Variants in TRERF1 observed in about 807,000 individuals in gnomAD.
The protein encoded by TRERF1 is transcriptional-regulating factor 1.
In TRERF1, 27 loss-of-function variants were observed where a neutral mutation model predicts 122.9. The ratio of observed to expected loss-of-function variants is 0.22; its 90% confidence interval spans 0.16 to 0.30. The LOEUF is 0.30. Ranked by LOEUF, TRERF1 falls within the 10% of genes least tolerant of loss-of-function variation. The pLI, the probability that TRERF1 is intolerant of heterozygous loss-of-function variation, is 1.00. For missense variants in TRERF1, 1,248 were observed against 1,560.3 expected (o/e 0.80, Z 3.37); for synonymous variants, 636 against 641.7 (o/e 0.99, Z 0.13).
intron 3 of TRERF1, among the ~76,000 whole-genome samples, chr6:42,338,422 A>G (rs1325318232): frequency 6.6e-6 from 1 of 152,220 alleles, no homozygotes; most frequent in African/African-American, 2.4e-5. Flanking sequence ...GCACAGAGGT[A>G]TGAAATTCAA....
At chr6:42,373,857 G>A (rs1230368122) in intron 2 of TRERF1, among the ~76,000 whole-genome samples, 5 of 150,946 alleles carry the variant, frequency 3.3e-5, no homozygotes, top group Non-Finnish European at 5.9e-5. Flanking sequence ...AAAAAAGGCC[G>A]GGCGTGGTGG....
intron 2 of TRERF1, among the ~76,000 whole-genome samples, chr6:42,440,499 G>A (rs1459247899): frequency 6.6e-6 from 1 of 152,068 alleles, no homozygotes; most frequent in Non-Finnish European, 1.5e-5. Context: ...ACAAGGCCAG[G>A]CACATAGTAA....
chr6:42,425,529 ATTTTTTTTTTTTTTTTTTT>A (rs150820164), intron 2 of TRERF1, among the ~76,000 whole-genome samples: 1 of 44,050 alleles, frequency 2.3e-5, no homozygotes, highest in Non-Finnish European at 3.7e-5. Flanking sequence ...CCCCCTGGGC[ATTTTTTTTTTTTTTTTTTT>A]TTTTTTTTTT....
intron 3 of TRERF1, among the ~76,000 whole-genome samples, chr6:42,346,197 G>A (rs886674353): frequency 2.0e-5 from 3 of 152,192 alleles, no homozygotes; most frequent in Admixed American, 6.5e-5. Context: ...GGAGACAGGA[G>A]GTGGACCTCA....
chr6:42,408,228 T>TATACAC (rs879936418), intron 2 of TRERF1, among the ~76,000 whole-genome samples: 1 of 78,400 alleles, frequency 1.3e-5, no homozygotes, highest in Non-Finnish European at 2.2e-5. Flanking sequence ...TATATATATA[T>TATACAC]GTGTGTGTGT....
Position 42,264,831 on chromosome 6 carries a change from C to T in TRERF1, c.1508G>A (p.Gly503Glu), listed in dbSNP as rs766100555. Residue 503 changes from glycine (G) to glutamate (E), a missense_variant, in exon 7 of 18, where the codon GGG becomes GAG. Transcript: ENST00000372922. ...CTTGTTCTTGGCATCAAACTGCTCCCCAAACGCTCCTTTGGGTTGGCCACT... is the reference window on the plus strand; with the variant it reads ...CTTGTTCTTGGCATCAAACTGCTCCTCAAACGCTCCTTTGGGTTGGCCACT... 5 of 1,614,152 alleles carry T rather than the reference C, an allele frequency of 3.1e-6. No homozygotes were observed. The East Asian group carries it at 8.9e-5, about 29-fold the overall frequency.
intron 2 of TRERF1, among the ~76,000 whole-genome samples, chr6:42,381,493 G>A (rs1278805832): frequency 6.6e-6 from 1 of 152,016 alleles, no homozygotes; most frequent in East Asian, 1.9e-4. Context: ...TTCCTAGTAA[G>A]GCTGTTTATA....
Position 42,361,687 on chromosome 6 carries a change from A to C in TRERF1, c.-371+1310T>G, listed in dbSNP as rs948883032. On this transcript the variant is annotated intron_variant, in intron 3 of 17. Transcript: ENST00000372922. ...CATACACAAAAGCCTCTTTTGGTCT[A>C]AAGTAGAAACGTCCTTATAATCCAA... 2.0e-5 allele frequency among the ~76,000 whole-genome samples: 3 copies of C among 152,322 alleles called. No individual in the cohort carries two copies. In the South Asian group the frequency reaches 6.2e-4, roughly 32 times the overall value.
At chr6:42,403,877 C>T (rs964378494) in intron 2 of TRERF1, among the ~76,000 whole-genome samples, 2 of 152,178 alleles carry the variant, frequency 1.3e-5, no homozygotes, top group African/African-American at 4.8e-5. Flanking sequence ...GCTTTCCCTG[C>T]CCACATTCTT....
intron 3 of TRERF1, among the ~76,000 whole-genome samples, chr6:42,337,799 C>T (rs57138942): frequency 0.037 from 5,604 of 152,250 alleles, 262 homozygotes; most frequent in East Asian, 0.23. Context: ...GAAAACCTCC[C>T]GATGAGCTTT....
intron 4 of TRERF1, among the ~76,000 whole-genome samples, chr6:42,271,792 T>G (rs559961675): frequency 1.1e-4 from 16 of 152,280 alleles, no homozygotes; most frequent in African/African-American, 3.9e-4. Flanking sequence ...TTTAGGAAAT[T>G]AAAAAAGTTT....
intron 15 of TRERF1, among the ~76,000 whole-genome samples, chr6:42,236,781 GTCTCCTCAC>G (rs1772334257): frequency 6.6e-6 from 1 of 152,198 alleles, no homozygotes; most frequent in Non-Finnish European, 1.5e-5. Flanking sequence ...AAGTAGCTCT[GTCTCCTCAC>G]AGAGGTGAAG....
Position 42,228,092 on chromosome 6 carries a change from G to T in TRERF1, c.*253C>A. ...CAGTCCCTACTGGGAATGATTTCAT[G>T]AGAAGGTAGCCCAGATGAAACACCT... is the stretch of plus-strand genomic sequence containing the variant. On this transcript the variant is annotated 3_prime_UTR_variant, in exon 18 of 18. Coordinates refer to ENST00000372922, the Ensembl canonical transcript of TRERF1. This position sits in a 1 kb window ranked among gnomAD's most constrained non-coding sequence, Gnocchi z 4.2. 1 of 381,648 alleles carries T rather than the reference G, an allele frequency of 2.6e-6. No individual in the cohort carries two copies. Among genetic ancestry groups the T allele is most frequent in the Non-Finnish European group, 4.7e-6 (1 of 213,758 alleles). The allele number at this position is 381,648 out of a possible 1,614,324, so 23.6% of individuals were successfully genotyped here. A position where few individuals can be genotyped will look rare whatever the true frequency, so the allele number is the denominator to read the frequency against.
intron 2 of TRERF1, among the ~76,000 whole-genome samples, chr6:42,417,255 C>A (rs1032835656): frequency 1.3e-5 from 2 of 152,168 alleles, no homozygotes; most frequent in African/African-American, 2.4e-5. Context: ...ATGGCCCATT[C>A]CCCTCTCAGT....
chr6:42,306,274 T>C (rs915956584), intron 3 of TRERF1, among the ~76,000 whole-genome samples: 1 of 152,106 alleles, frequency 6.6e-6, no homozygotes, highest in African/African-American at 2.4e-5. Flanking sequence ...AGTGCTGGGA[T>C]TACAGGTGTG....
intron 3 of TRERF1, among the ~76,000 whole-genome samples, chr6:42,359,616 C>A (rs562061277): frequency 6.6e-6 from 1 of 152,110 alleles, no homozygotes; most frequent in African/African-American, 2.4e-5. Flanking sequence ...CCCTGCTACT[C>A]GGGAGGCTCA....
chr6:42,331,256 G>A (rs1765189995), intron 3 of TRERF1, among the ~76,000 whole-genome samples: 1 of 152,200 alleles, frequency 6.6e-6, no homozygotes, highest in Non-Finnish European at 1.5e-5. Context: ...TGAGGCAGCA[G>A]GACAGGACAC....
chr6:42,225,210 CTTTTTTTTT>C (rs11399575), downstream of TRERF1: 1 of 128,742 alleles, frequency 7.8e-6, no homozygotes, highest in Admixed American at 7.8e-5. Context: ...CTTTTTTTTT[CTTTTTTTTT>C]TTTTTAAGGA....
rs879267709 is a variant in TRERF1, at chr6:42,283,394, G to A, written c.-258-13546C>T. ...TCTGTGAATAATAAGGGTCAACTAT[G>A]TATTTATAATTGATATATATTCATA... On this transcript the variant is annotated intron_variant, in intron 4 of 17. Transcript: ENST00000372922. Among the ~76,000 whole-genome samples the A allele has an allele frequency of 2.6e-4, 40 of 152,126 alleles. 1 individual carries two copies. Among genetic ancestry groups the A allele is most frequent in the Non-Finnish European group, 4.4e-5 (3 of 68,030 alleles).
Sources: allele counts gnomAD v4.1 joint callset (sites outside exome capture counted in the v4.1 genomes callset), GRCh38; gene constraint gnomAD v4.1.1; non-coding constraint Gnocchi (gnomAD v3.1); transcripts MANE v1.5; gene names NCBI Gene and HGNC (gene_info 2026-07-23, HGNC 2026-07-21).